The following DUS2 variants were observed in gnomAD, a reference collection of about 807,000 sequenced individuals.
DUS2 encodes tRNA-dihydrouridine(20) synthase [NAD(P)+]-like.
In DUS2, 52 loss-of-function variants were observed where a neutral mutation model predicts 71.3. The ratio of observed to expected loss-of-function variants is 0.73; its 90% CI spans 0.58 to 0.92. DUS2 has a LOEUF of 0.92. DUS2 is among the 40% of genes least tolerant of loss of function. The pLI, the probability that DUS2 is intolerant of heterozygous loss-of-function variation, is 0.00. For missense variants in DUS2, 558 were observed against 622.6 expected (o/e 0.90, Z 1.10); for synonymous variants, 204 against 227.8 (o/e 0.90, Z 0.94).
At chr16:68,078,648 G>A in intron 16 of DUS2, 101 bp from the exon 17 acceptor site, 5 of 1,485,972 alleles carry the variant, frequency 3.4e-6, no homozygotes, top group South Asian at 1.2e-5. Context: ...CCTGGATGGT[G>A]ACCCCTTACT....
At chr16:68,044,885 C>G (rs1432948635) in intron 3 of DUS2, among the ~76,000 whole-genome samples, 2 of 151,980 alleles carry the variant, frequency 1.3e-5, no homozygotes, top group African/African-American at 4.8e-5. Context: ...CTCTGCCTCC[C>G]GGGCTCAAGC....
intron 3 of DUS2, among the ~76,000 whole-genome samples, chr16:68,046,849 C>T (rs2033709048): frequency 6.6e-6 from 1 of 151,714 alleles, no homozygotes; most frequent in African/African-American, 2.4e-5. Flanking sequence ...CGGATTCATG[C>T]CATTCTCCTG....
At chr16:68,028,459 C>A (rs1461808625) in intron 2 of DUS2, among the ~76,000 whole-genome samples, 1 of 151,892 alleles carries the variant, frequency 6.6e-6, no homozygotes, top group South Asian at 2.1e-4. Context: ...CATGGTGAAA[C>A]CCCATCCCTA....
In DUS2 at chr16:68,076,655, C is replaced by A; in HGVS notation, c.1106C>A (p.Thr369Asn). Residue 369 changes from threonine (T) to asparagine (N), a missense_variant, in exon 15 of 17, where the codon ACC becomes AAC. Coordinates refer to ENST00000565263, the MANE Select transcript of DUS2 (RefSeq NM_017803.5). ...FDRRAYPAQI[T>N]PKMCLLEWCR... ...AGGAGAGCATACCCAGCCCAGATCA[C>A]CCCTAAGATGTGCCTACTAGAGTGG... 1.2e-6 allele frequency: 2 copies of A among 1,614,108 alleles called. No homozygotes were observed. The highest frequency in any genetic ancestry group is 8.5e-7 in the Non-Finnish European group (1 of 1,179,974).
chr16:68,076,536 A>G, intron 14 of DUS2, 96 bp from the exon 15 acceptor site: 1 of 903,368 alleles, frequency 1.1e-6, no homozygotes. Context: ...AGTTCCTCTC[A>G]TTTCTGCAGC....
At chr16:68,049,868 G>A (rs1214274242) in intron 4 of DUS2, among the ~76,000 whole-genome samples, 2 of 152,208 alleles carry the variant, frequency 1.3e-5, no homozygotes, top group Non-Finnish European at 2.9e-5. Context: ...TGCTAGATGT[G>A]TGACCTTGGG....
At chr16:68,061,172 C>G in intron 8 of DUS2, 59 bp downstream of exon 8, 1 of 1,538,290 alleles carries the variant, frequency 6.5e-7, no homozygotes, top group East Asian at 2.2e-5. Flanking sequence ...CTAGAATTGT[C>G]TAGAACGCCT....
In DUS2 at chr16:68,037,811, C is replaced by T. The variant is rs889489101; in HGVS notation, c.-18-195C>T. On this transcript the variant is annotated intron_variant, in intron 2 of 16. Transcript: ENST00000565263. ...GTTACTTGGGTTGCAGTGAGCCCTG[C>T]ACTACACTGCACTCCAGCCTGGGTG... 1.5e-5 allele frequency: 7 copies of T among 471,562 alleles called. No homozygotes were observed. In the Admixed American group the frequency reaches 2.1e-4, roughly 14 times the overall value. The allele number at this position is 471,562 out of a possible 1,614,324, so 29.2% of individuals were successfully genotyped here.
intron 3 of DUS2, among the ~76,000 whole-genome samples, chr16:68,043,540 G>C (rs2033661196): frequency 6.6e-6 from 1 of 152,170 alleles, no homozygotes; most frequent in Non-Finnish European, 1.5e-5. Flanking sequence ...TCTCTGATTA[G>C]TGATGATTAG....
chr16:68,038,291 A>G (rs112318181), intron 3 of DUS2, 142 bp downstream of exon 3: 1 of 1,210,366 alleles, frequency 8.3e-7, no homozygotes. Flanking sequence ...GGAGACAAAC[A>G]TGTGTGACAC....
chr16:68,071,082 G>C lies in DUS2; in HGVS notation c.784G>C (p.Glu262Gln). 6.2e-7 allele frequency: 1 copy of C among 1,614,242 alleles called. No individual in the cohort carries two copies. Among genetic ancestry groups the C allele is most frequent in the South Asian group, 1.1e-5 (1 of 91,090 alleles). ...CAAGGAGGGTCTGCGGCCCCTGGAG[G>C]AGGTCATGCAGAAATACATCAGATA... is the stretch of plus-strand genomic sequence containing the variant. ...FLKEGLRPLE[E>Q]VMQKYIRYAV... Residue 262 changes from glutamate to glutamine, a missense_variant, in exon 12 of 17, where the codon GAG (glutamate) becomes CAG (glutamine). Coordinates refer to ENST00000565263, the MANE Select transcript of DUS2 (RefSeq NM_017803.5).
rs2034123048 is a variant in DUS2, at chr16:68,074,033, G to A, written c.811-1G>A. The A allele has an allele frequency of 6.2e-7, 1 of 1,614,084 alleles. No homozygotes were observed. The highest frequency in any genetic ancestry group is 8.5e-7 in the Non-Finnish European group (1 of 1,179,950). ...ATCAGGCAAGTCATTTCTTTTCTCA[G>A]GCGGTGCAGTATGACAACCACTACA... is the stretch of plus-strand genomic sequence containing the variant. On this transcript the variant is annotated splice_acceptor_variant, in intron 12 of 16. Coordinates refer to ENST00000565263, the MANE Select transcript of DUS2 (RefSeq NM_017803.5). LOFTEE classifies it high-confidence loss of function.
At chr16:68,035,940 A>ATGT (rs1269034371) in intron 2 of DUS2, among the ~76,000 whole-genome samples, 1 of 139,650 alleles carries the variant, frequency 7.2e-6, no homozygotes, top group African/African-American at 2.7e-5. Flanking sequence ...ACACACATAC[A>ATGT]TACACATATA....
intron 2 of DUS2, among the ~76,000 whole-genome samples, chr16:68,035,138 G>A (rs1598300704): frequency 6.6e-6 from 1 of 152,198 alleles, no homozygotes; most frequent in East Asian, 1.9e-4. Context: ...TTCACTACCA[G>A]CTCCAGGGTC....
chr16:68,054,498 T>C, intron 5 of DUS2, 76 bp from the exon 6 acceptor site: 1 of 1,506,590 alleles, frequency 6.6e-7, no homozygotes, highest in Admixed American at 1.7e-5. Flanking sequence ...TGTATGTGTG[T>C]GCTGCATGGG....
At chr16:68,049,383 G>A (rs897451004) in intron 3 of DUS2, 122 bp from the exon 4 acceptor site, 13 of 945,578 alleles carry the variant, frequency 1.4e-5, no homozygotes, top group African/African-American at 4.8e-5. Context: ...CCCAAAAGCC[G>A]TGGTTTGTTC....
At chr16:68,035,223 G>A (rs867287616) in intron 2 of DUS2, among the ~76,000 whole-genome samples, 10 of 151,918 alleles carry the variant, frequency 6.6e-5, no homozygotes, top group African/African-American at 2.2e-4. Context: ...CTGTGCCCCC[G>A]GATAGTCCAC....
chr16:68,046,160 A>C (rs549951296), intron 3 of DUS2, among the ~76,000 whole-genome samples: 1 of 152,160 alleles, frequency 6.6e-6, no homozygotes, highest in African/African-American at 2.4e-5. Flanking sequence ...TAGTGAACAT[A>C]ATACCCAATA....
intron 10 of DUS2, among the ~76,000 whole-genome samples, chr16:68,067,684 C>T (rs149001187): frequency 6.6e-6 from 1 of 151,986 alleles, no homozygotes; most frequent in East Asian, 1.9e-4. Context: ...TTTTTTGAGA[C>T]AGTCTTGCTC....
Sources: gnomAD v4.1 joint callset for allele counts (sites outside exome capture counted in the v4.1 genomes callset) on GRCh38, gnomAD v4.1.1 for gene constraint, MANE v1.5 for transcripts, NCBI Gene and HGNC (gene_info 2026-07-23, HGNC 2026-07-21) for gene names.